Variants in KIAA1671 observed in about 807,000 individuals in gnomAD.
The protein encoded by KIAA1671 is KIAA1671, also known as uncharacterized protein KIAA1671.
Under a neutral mutation model 131.2 loss-of-function variants are expected in KIAA1671, and 52 were observed. The observed-to-expected ratio is 0.40, with a 90% CI of 0.32 to 0.50. KIAA1671 has a LOEUF of 0.50. Among genes scored for constraint, KIAA1671 ranks in the 20% least tolerant of loss-of-function variants. The probability of loss-of-function intolerance (pLI) is 0.73; values close to 1 mark genes in which losing one functional copy is unlikely to be tolerated. For synonymous variants in KIAA1671, 1,003 were observed against 961.6 expected (o/e 1.04, Z -0.80); for missense variants, 2,360 against 2,364.2 (o/e 1.00, Z 0.04).
chr22:24,982,363 T>G (rs1453288867), intron 1 of KIAA1671, among the ~76,000 whole-genome samples: 1 of 152,236 alleles, frequency 6.6e-6, no homozygotes, highest in East Asian at 1.9e-4. Flanking sequence ...AAAGCGTGAT[T>G]AGCAAGTGTC....
At chr22:25,107,965 G>A (rs553347015) in intron 6 of KIAA1671, among the ~76,000 whole-genome samples, 1 of 152,124 alleles carries the variant, frequency 6.6e-6, no homozygotes, top group African/African-American at 2.4e-5. Flanking sequence ...CTGATATCAC[G>A]CCATTGCACT....
chr22:25,050,160 C>T (rs1927461060), intron 6 of KIAA1671: 1 of 152,420 alleles, frequency 6.6e-6, no homozygotes, highest in Non-Finnish European at 1.5e-5. Flanking sequence ...ATCTCTGTGT[C>T]CTTGTGCCCT....
intron 6 of KIAA1671, among the ~76,000 whole-genome samples, chr22:25,117,101 A>G (rs1376485136): frequency 6.6e-6 from 1 of 152,136 alleles, no homozygotes; most frequent in Non-Finnish European, 1.5e-5. Context: ...ATATCCAGAC[A>G]TTGCCAAGTC....
At chr22:25,060,982 T>C (rs1446332286) in intron 6 of KIAA1671, 1 of 152,236 alleles carries the variant, frequency 6.6e-6, no homozygotes, top group African/African-American at 2.4e-5. Context: ...TTGGGCCCCA[T>C]GTCAGTTTCT....
At chr22:25,178,842 G>A (rs2315002) in intron 9 of KIAA1671, among the ~76,000 whole-genome samples, 2 of 150,294 alleles carry the variant, frequency 1.3e-5, no homozygotes, top group Non-Finnish European at 3.0e-5. Context: ...ACCATCACCC[G>A]CCTCCCCCGT....
intron 6 of KIAA1671, among the ~76,000 whole-genome samples, chr22:25,118,455 A>T (rs1277924878): frequency 1.3e-5 from 2 of 151,842 alleles, no homozygotes; most frequent in Non-Finnish European, 2.9e-5. Flanking sequence ...CACCTACCTA[A>T]TTTTTTTGTA....
intron 6 of KIAA1671, chr22:25,064,183 C>T (rs1928338497): frequency 6.6e-6 from 1 of 152,264 alleles, no homozygotes; most frequent in Non-Finnish European, 1.5e-5. Flanking sequence ...CCAGCCTCAG[C>T]CTCCCGAATA....
chr22:25,013,396 G>C (rs1032517846), intron 1 of KIAA1671: 1 of 152,200 alleles, frequency 6.6e-6, no homozygotes, highest in Non-Finnish European at 1.5e-5. Context: ...GGGAAGGCTT[G>C]AATACCTTGC....
At chr22:25,091,724 G>GT (rs981384372) in intron 6 of KIAA1671, among the ~76,000 whole-genome samples, 17 of 152,136 alleles carry the variant, frequency 1.1e-4, no homozygotes, top group African/African-American at 3.9e-4. Flanking sequence ...CTGTATCTCC[G>GT]TTACAGGATT....
chr22:25,043,510 C>G (rs1302453180), intron 5 of KIAA1671, among the ~76,000 whole-genome samples: 2 of 152,182 alleles, frequency 1.3e-5, no homozygotes, highest in African/African-American at 4.8e-5. Flanking sequence ...TCTAGGAGAC[C>G]ATTCTGGTGA....
In KIAA1671 at chr22:25,044,296, C is replaced by G. The variant is rs1453344293; in HGVS notation, c.4395+2771C>G. Among the ~76,000 whole-genome samples the G allele has an allele frequency of 4.6e-5, 7 of 152,326 alleles. No individual in the cohort carries two copies. In the East Asian group the frequency reaches 1.3e-3, roughly 29 times the overall value. On this transcript the variant is annotated intron_variant, in intron 5 of 12. Transcript: ENST00000358431. The stretch of plus-strand genomic sequence containing the variant: ...AAATAAAGCACCGAACTTGGGCCAT[C>G]CCCGTGTGCTTCCTGAGAAGGGTTT...
intron 6 of KIAA1671, among the ~76,000 whole-genome samples, chr22:25,152,537 C>CCA (rs1407471088): frequency 2.6e-5 from 4 of 152,182 alleles, no homozygotes. Context: ...TGTATAAATG[C>CCA]CACACCAGGT....
chr22:25,182,319 TTCCTTTTCTCTTCTTTCTTTCCTCCC>T (rs1444156179), intron 10 of KIAA1671, among the ~76,000 whole-genome samples: 2 of 149,516 alleles, frequency 1.3e-5, no homozygotes, highest in South Asian at 4.4e-4. Context: ...CCCTTTCTCC[TTCCTTTTCTCTTCTTTCTTTCCTCCC>T]TCCCTTTCTC....
chr22:25,164,980 T>TGG (rs1933594682), intron 6 of KIAA1671, among the ~76,000 whole-genome samples: 1 of 66,042 alleles, frequency 1.5e-5, no homozygotes, highest in African/African-American at 8.4e-5. Flanking sequence ...GTTGCAGGCG[T>TGG]GTGTGTGTGT....
intron 1 of KIAA1671, among the ~76,000 whole-genome samples, chr22:25,007,496 G>GAA (rs141806128): frequency 7.1e-6 from 1 of 140,404 alleles, no homozygotes; most frequent in Non-Finnish European, 1.6e-5. Context: ...AAAAGCAAGG[G>GAA]AAAAAAAAAA....
intron 6 of KIAA1671, chr22:25,049,570 A>G (rs1927425056): frequency 3.8e-6 from 2 of 531,080 alleles, no homozygotes; most frequent in Non-Finnish European, 6.5e-6. Context: ...TGCTGGGGAA[A>G]CCTTCTTCCT....
chr22:25,039,357 G>A lies in KIAA1671; in HGVS notation c.2227G>A (p.Val743Met). 6.4e-7 allele frequency: 1 copy of A among 1,551,922 alleles called. No homozygotes were observed. The highest frequency in any genetic ancestry group is 8.7e-7 in the Non-Finnish European group (1 of 1,147,044). ...YDIVHAVGER[V>M]HSEAISPAPE... ...CATTGTGCATGCAGTGGGAGAGCGT[G>A]TGCACAGCGAGGCCATCTCACCGGC... Residue 743 changes from valine (V) to methionine (M), a missense_variant, in exon 5 of 13, where the codon GTG becomes ATG. Physicochemically the swap from Val to Met is conservative, Grantham distance 21. Coordinates refer to ENST00000358431, the MANE Select transcript of KIAA1671 (RefSeq NM_001145206.2).
intron 4 of KIAA1671, among the ~76,000 whole-genome samples, chr22:25,036,855 CAG>C (rs1395719785): frequency 6.6e-6 from 1 of 151,892 alleles, no homozygotes; most frequent in Non-Finnish European, 1.5e-5. Flanking sequence ...ATCTGGGAGG[CAG>C]AGATTGCGGT....
At chr22:25,160,508 A>C (rs1601369070) in intron 6 of KIAA1671, among the ~76,000 whole-genome samples, 1 of 151,908 alleles carries the variant, frequency 6.6e-6, no homozygotes, top group Non-Finnish European at 1.5e-5. Context: ...TCTGCCTCTG[A>C]CTGCCTGTCT....
Sources: gnomAD v4.1 joint callset for allele counts (sites outside exome capture counted in the v4.1 genomes callset) on GRCh38, gnomAD v4.1.1 for gene constraint, MANE v1.5 for transcripts, NCBI Gene and HGNC (gene_info 2026-07-23, HGNC 2026-07-21) for gene names.